Variants in CAMTA1 observed in about 807,000 individuals in gnomAD.
The protein encoded by CAMTA1 is calmodulin-binding transcription activator 1.
CAMTA1 carries 27 observed loss-of-function variants against 170.9 expected under a neutral mutation model. That is an observed-to-expected ratio of 0.16 (90% CI 0.12 to 0.22). CAMTA1 has a LOEUF of 0.22. Among genes scored for constraint, CAMTA1 ranks in the 10% least tolerant of loss-of-function variants. The pLI, the probability that CAMTA1 is intolerant of heterozygous loss-of-function variation, is 1.00. For synonymous variants in CAMTA1, 833 were observed against 891.5 expected, an observed-to-expected ratio of 0.93 and a Z score of 1.17; for missense variants, 1,619 against 2,217.2, an observed-to-expected ratio of 0.73 and a Z score of 5.42.
chr1:6,920,269 G>T (rs1236751117), intron 3 of CAMTA1, among the ~76,000 whole-genome samples: 1 of 152,198 alleles, frequency 6.6e-6, no homozygotes, highest in Non-Finnish European at 1.5e-5. Context: ...AAATCCAGCA[G>T]GGCAGTCAAA....
chr1:7,201,158 C>T (rs1656613859), intron 4 of CAMTA1, among the ~76,000 whole-genome samples: 1 of 152,152 alleles, frequency 6.6e-6, no homozygotes, highest in Non-Finnish European at 1.5e-5. Flanking sequence ...TAATATGTGG[C>T]CTTTGGTAAC....
At position 7,504,919 on chromosome 1, in the gene CAMTA1, C is replaced by T. The variant is rs537107818; in HGVS notation, c.510+37018C>T. Among the ~76,000 whole-genome samples, 7 of 152,350 alleles carry T rather than the reference C, an allele frequency of 4.6e-5. No homozygotes were observed. In the South Asian group the frequency reaches 1.5e-3, roughly 32 times the overall value. ...GGAGGAGTTCAGTGTAGCGCACAGC[C>T]TCCTTCACGGGCGGACATGGCACAA... is the stretch of plus-strand genomic sequence containing the variant. On this transcript the variant is annotated intron_variant, in intron 6 of 22. Coordinates refer to ENST00000303635, the MANE Select transcript of CAMTA1 (RefSeq NM_015215.4).
chr1:6,875,666 T>G (rs1357988530), intron 3 of CAMTA1, among the ~76,000 whole-genome samples: 2 of 152,080 alleles, frequency 1.3e-5, no homozygotes, highest in Non-Finnish European at 2.9e-5. Context: ...CTGCCCCCCA[T>G]GGAGGGCTCT....
At chr1:6,892,703 T>G (rs1674790989) in intron 3 of CAMTA1, among the ~76,000 whole-genome samples, 1 of 150,774 alleles carries the variant, frequency 6.6e-6, no homozygotes, top group Non-Finnish European at 1.5e-5. Context: ...TTTGCCTCGG[T>G]TGGTTGGTTT....
chr1:7,230,449 C>A (rs1375881471), intron 4 of CAMTA1, among the ~76,000 whole-genome samples: 1 of 115,684 alleles, frequency 8.6e-6, no homozygotes, highest in Non-Finnish European at 1.9e-5. Context: ...CCCCCCGCCC[C>A]GCAAAGCTCT....
At chr1:6,905,951 C>T (rs1394490346) in intron 3 of CAMTA1, among the ~76,000 whole-genome samples, 2 of 152,176 alleles carry the variant, frequency 1.3e-5, no homozygotes, top group African/African-American at 2.4e-5. Flanking sequence ...CTGCAGCTCC[C>T]ACACACGCCT....
chr1:6,908,727 T>G (rs1338696687), intron 3 of CAMTA1, among the ~76,000 whole-genome samples: 1 of 152,248 alleles, frequency 6.6e-6, no homozygotes, highest in African/African-American at 2.4e-5. Flanking sequence ...GTTATGGCAT[T>G]GTGAGCTCAA....
At chr1:7,473,628 C>T (rs1018828772) in intron 6 of CAMTA1, among the ~76,000 whole-genome samples, 6 of 152,222 alleles carry the variant, frequency 3.9e-5, no homozygotes, top group South Asian at 2.1e-4. Flanking sequence ...CAAGAGGGGC[C>T]GTGGGGCCCC....
chr1:7,301,994 G>A (rs756483027), intron 5 of CAMTA1, among the ~76,000 whole-genome samples: 1 of 152,152 alleles, frequency 6.6e-6, no homozygotes, highest in Admixed American at 6.5e-5. Flanking sequence ...TCCAGGACTC[G>A]TTCTGGCTCA....
At chr1:6,938,248 G>A (rs988011924) in intron 3 of CAMTA1, among the ~76,000 whole-genome samples, 3 of 152,146 alleles carry the variant, frequency 2.0e-5, no homozygotes, top group Non-Finnish European at 2.9e-5. Flanking sequence ...TGGCCCATGG[G>A]GATTTCCTTT....
intron 4 of CAMTA1, among the ~76,000 whole-genome samples, chr1:7,188,754 A>C (rs1653954308): frequency 6.6e-6 from 1 of 152,244 alleles, no homozygotes; most frequent in South Asian, 2.1e-4. Flanking sequence ...CTATGTGAAC[A>C]ATCCTGCTAT....
At chr1:7,157,513 CTACTGGTGAAAA>C (rs1646967157) in intron 4 of CAMTA1, among the ~76,000 whole-genome samples, 1 of 151,688 alleles carries the variant, frequency 6.6e-6, no homozygotes, top group Non-Finnish European at 1.5e-5. Flanking sequence ...CACACCCACC[CTACTGGTGAAAA>C]TTTTAAAAGA....
chr1:7,500,864 CGCTGTCAAGCCCAGGAGACATCAG>C (rs2093994554), intron 6 of CAMTA1, among the ~76,000 whole-genome samples: 1 of 152,072 alleles, frequency 6.6e-6, no homozygotes, highest in Non-Finnish European at 1.5e-5. Context: ...AGCTTGTGGC[CGCTGTCAAGCCCAGGAGACATCAG>C]GGCTTCATGC....
chr1:7,214,339 T>C (rs1007768225), intron 4 of CAMTA1, among the ~76,000 whole-genome samples: 2 of 152,174 alleles, frequency 1.3e-5, no homozygotes, highest in Non-Finnish European at 2.9e-5. Context: ...TGGTTTTGAT[T>C]TGCATTTCCA....
intron 6 of CAMTA1, among the ~76,000 whole-genome samples, chr1:7,574,081 T>C (rs1447326608): frequency 8.4e-6 from 1 of 119,696 alleles, no homozygotes; most frequent in African/African-American, 8.5e-5. Flanking sequence ...AACAAATTAC[T>C]TCCATAAAGG....
intron 11 of CAMTA1, among the ~76,000 whole-genome samples, chr1:7,729,518 G>C (rs1171916353): frequency 1.3e-5 from 2 of 152,224 alleles, no homozygotes; most frequent in African/African-American, 4.8e-5. Context: ...ACTGCTGACT[G>C]GGTATTGACT....
chr1:7,520,200 ACCT>A (rs1294588263), intron 6 of CAMTA1, among the ~76,000 whole-genome samples: 1 of 1,942 alleles, frequency 5.1e-4, no homozygotes. Flanking sequence ...TGGACTGCCG[ACCT>A]CCTCCTCCTC....
chr1:7,739,585 C>T (rs973726174), intron 16 of CAMTA1, among the ~76,000 whole-genome samples: 1 of 152,158 alleles, frequency 6.6e-6, no homozygotes, highest in East Asian at 1.9e-4. Context: ...GGGGAGGCCT[C>T]ACAATCATAG....
chr1:7,730,926 CTCTATATA>C (rs1475114852), intron 11 of CAMTA1, among the ~76,000 whole-genome samples: 4 of 130,660 alleles, frequency 3.1e-5, no homozygotes, highest in East Asian at 2.4e-4. Flanking sequence ...CTCTCTCTCT[CTCTATATA>C]TATATATATA....
Sources: gnomAD v4.1 joint callset for allele counts (sites outside exome capture counted in the v4.1 genomes callset) on GRCh38, gnomAD v4.1.1 for gene constraint, MANE v1.5 for transcripts, NCBI Gene and HGNC (gene_info 2026-07-23, HGNC 2026-07-21) for gene names.